Variants in TIAM1 observed in about 807,000 individuals in gnomAD.
TIAM1 encodes TIAM Rac1 associated GEF 1.
In TIAM1, 65 loss-of-function variants were observed where a neutral mutation model predicts 163.5. The ratio of observed to expected loss-of-function variants is 0.40; its 90% confidence interval spans 0.33 to 0.49. TIAM1 has a LOEUF of 0.49. Among genes scored for constraint, TIAM1 ranks in the 20% least tolerant of loss-of-function variants. The pLI is 0.77. For missense variants in TIAM1, 1,789 were observed against 2,044.7 expected (o/e 0.87, Z 2.41); for synonymous variants, 833 against 810.1 (o/e 1.03, Z -0.48).
intron 1 of TIAM1, among the ~76,000 whole-genome samples, chr21:31,464,684 GAT>G (rs2045458140): frequency 3.3e-5 from 5 of 151,872 alleles, no homozygotes; most frequent in African/African-American, 1.2e-4. Context: ...CTCTACTAAA[GAT>G]ACAAAAATTA....
intron 1 of TIAM1, among the ~76,000 whole-genome samples, chr21:31,553,924 CT>C (rs1351638332): frequency 6.6e-6 from 1 of 152,154 alleles, no homozygotes; most frequent in African/African-American, 2.4e-5. Flanking sequence ...TGACCTCCCC[CT>C]GCCCCCAGAT....
intron 2 of TIAM1, among the ~76,000 whole-genome samples, chr21:31,280,032 G>GCGCACA (rs1555914904): frequency 6.0e-5 from 9 of 151,198 alleles, no homozygotes; most frequent in African/African-American, 1.9e-4. Flanking sequence ...ACGCGTGCGC[G>GCGCACA]CACACACACA....
At chr21:31,526,616 G>T (rs1275931153) in intron 1 of TIAM1, among the ~76,000 whole-genome samples, 1 of 152,176 alleles carries the variant, frequency 6.6e-6, no homozygotes, top group Admixed American at 6.5e-5. Context: ...AATCGTGATA[G>T]TAAGCCTGGG....
intron 1 of TIAM1, among the ~76,000 whole-genome samples, chr21:31,512,569 T>A (rs2047244372): frequency 6.6e-6 from 1 of 151,920 alleles, no homozygotes; most frequent in Non-Finnish European, 1.5e-5. Context: ...GGGACCTTCT[T>A]TTCTTTTCCA....
chr21:31,335,727 A>T (rs1239032854), intron 2 of TIAM1, among the ~76,000 whole-genome samples: 1 of 152,086 alleles, frequency 6.6e-6, no homozygotes, highest in Non-Finnish European at 1.5e-5. Flanking sequence ...AAAAAGAAAG[A>T]AACTCAAGAG....
At chr21:31,541,161 AC>A (rs1320874824) in intron 1 of TIAM1, among the ~76,000 whole-genome samples, 1 of 152,190 alleles carries the variant, frequency 6.6e-6, no homozygotes, top group Non-Finnish European at 1.5e-5. Flanking sequence ...AACAATATAT[AC>A]TTAAAGAATG....
At chr21:31,406,544 T>C (rs980531790) in intron 2 of TIAM1, among the ~76,000 whole-genome samples, 2 of 152,180 alleles carry the variant, frequency 1.3e-5, no homozygotes, top group Non-Finnish European at 2.9e-5. Context: ...TCTATTATTA[T>C]TACTAATGCA....
chr21:31,206,215 A>G (rs559533004), intron 11 of TIAM1, among the ~76,000 whole-genome samples: 20 of 152,330 alleles, frequency 1.3e-4, no homozygotes, highest in African/African-American at 4.8e-4. Context: ...CTATTTTGGT[A>G]AAAGTTTCTG....
intron 1 of TIAM1, among the ~76,000 whole-genome samples, chr21:31,518,396 T>C (rs1009003362): frequency 6.6e-5 from 10 of 152,164 alleles, no homozygotes; most frequent in Admixed American, 2.0e-4. Context: ...CAAGTGATTC[T>C]CCTGCCTCAG....
chr21:31,470,805 AAG>A (rs2147372189), intron 1 of TIAM1, among the ~76,000 whole-genome samples: 1 of 152,284 alleles, frequency 6.6e-6, no homozygotes, highest in East Asian at 1.9e-4. Flanking sequence ...TCCCCAGGAG[AAG>A]AGAGAGGAAC....
At chr21:31,243,245 A>C (rs1239911109) in intron 6 of TIAM1, among the ~76,000 whole-genome samples, 1 of 146,308 alleles carries the variant, frequency 6.8e-6, no homozygotes, top group Non-Finnish European at 1.5e-5. Flanking sequence ...ATATATATGT[A>C]TATTTTATAT....
chr21:31,465,830 A>G (rs1290462916), intron 1 of TIAM1, among the ~76,000 whole-genome samples: 1 of 151,918 alleles, frequency 6.6e-6, no homozygotes, highest in East Asian at 1.9e-4. Context: ...TTGGCCTCCC[A>G]AAAGTGCTGG....
At chr21:31,410,660 A>G (rs1360725056) in intron 2 of TIAM1, among the ~76,000 whole-genome samples, 1 of 151,398 alleles carries the variant, frequency 6.6e-6, no homozygotes, top group East Asian at 2.0e-4. Context: ...GTGTGCTGAT[A>G]TGTATATGTA....
At chr21:31,176,074 A>G (rs1391111213) in intron 15 of TIAM1, among the ~76,000 whole-genome samples, 1 of 152,160 alleles carries the variant, frequency 6.6e-6, no homozygotes, top group Non-Finnish European at 1.5e-5. Flanking sequence ...GCAATGTCTG[A>G]AGATATGTTT....
intron 1 of TIAM1, among the ~76,000 whole-genome samples, chr21:31,514,693 C>T (rs1009724272): frequency 1.7e-4 from 26 of 149,386 alleles, no homozygotes; most frequent in Non-Finnish European, 3.0e-4. Context: ...ACGCTTATCT[C>T]AAAAAAAAAA....
At chr21:31,242,449 G>C (rs1343932587) in intron 6 of TIAM1, among the ~76,000 whole-genome samples, 1 of 152,150 alleles carries the variant, frequency 6.6e-6, no homozygotes, top group Non-Finnish European at 1.5e-5. Flanking sequence ...CTCAGCCCAG[G>C]AGGCTGAGGC....
At chr21:31,348,230 T>G (rs901683820), upstream of TIAM1, among the ~76,000 whole-genome samples, 1 of 152,146 alleles carries the variant, frequency 6.6e-6, no homozygotes, top group East Asian at 1.9e-4. Flanking sequence ...CAGAACCAAC[T>G]TGGTCAGGAA....
chr21:31,219,749 C>A (rs556249726), intron 8 of TIAM1, among the ~76,000 whole-genome samples: 12 of 149,956 alleles, frequency 8.0e-5, no homozygotes, highest in Non-Finnish European at 1.3e-4. Context: ...CAAAACAAAA[C>A]AAAAAAAAAC....
chr21:31,466,570 A>G (rs1417475492), intron 1 of TIAM1, among the ~76,000 whole-genome samples: 2 of 152,176 alleles, frequency 1.3e-5, no homozygotes, highest in Non-Finnish European at 2.9e-5. Context: ...AGTCTTCATC[A>G]GTAATAGTAA....
Sources: gnomAD v4.1 joint callset for allele counts (sites outside exome capture counted in the v4.1 genomes callset) on GRCh38, gnomAD v4.1.1 for gene constraint, MANE v1.5 for transcripts, NCBI Gene and HGNC (gene_info 2026-07-23, HGNC 2026-07-21) for gene names.